Variants in APC observed in about 807,000 individuals in gnomAD.
APC encodes the protein APC regulator of Wnt signaling pathway.
In APC, 72 loss-of-function variants were observed where a neutral mutation model predicts 247.0. That is an observed-to-expected ratio of 0.29 (90% confidence interval 0.24 to 0.35). The LOEUF (loss-of-function observed/expected upper bound fraction) is 0.35. Among genes scored for constraint, APC ranks in the 10% least tolerant of loss-of-function variants. APC has a pLI of 1.00. For synonymous variants in APC, 1,254 were observed against 1,162.5 expected (o/e 1.08, Z -1.60); for missense variants, 3,400 against 3,360.7 (o/e 1.01, Z -0.29).
rs891419866 is a variant in APC, at chr5:112,827,109, G to A, written c.1410G>A (p.Gly470=). Residue 470 remains glycine (G), a splice_region_variant and synonymous_variant, in exon 12 of 16, where the codon GGG becomes GGA. Transcript: ENST00000257430. ...TTCCTCTTGCCCTTTTTAAATTAGG[G>A]GGACTACAGGCCATTGCAGAATTAT... The part of the protein sequence containing the change: ...EEHRHAMNEL[G]GLQAIAELLQ... The A allele has an allele frequency of 6.2e-7, 1 of 1,613,252 alleles. No individual in the cohort carries two copies. The highest frequency in any genetic ancestry group is 1.3e-5 in the African/African-American group (1 of 74,824).
At chr5:112,805,567 C>T (rs1226003041) in intron 8 of APC, among the ~76,000 whole-genome samples, 1 of 152,178 alleles carries the variant, frequency 6.6e-6, no homozygotes, top group Non-Finnish European at 1.5e-5. Flanking sequence ...AACAATATTG[C>T]AGCTATTCCC....
intron 7 of APC, among the ~76,000 whole-genome samples, chr5:112,794,494 A>T (rs1050967440): frequency 3.3e-5 from 5 of 152,168 alleles, no homozygotes; most frequent in African/African-American, 1.2e-4. Flanking sequence ...CCAGAGTTAG[A>T]GTCAGCTCCA....
intron 1 of APC, among the ~76,000 whole-genome samples, chr5:112,747,378 A>G (rs1753808433): frequency 6.6e-6 from 1 of 152,254 alleles, no homozygotes; most frequent in African/African-American, 2.4e-5. Flanking sequence ...ATTGAGCTAT[A>G]AGAAATACGT....
At chr5:112,806,658 A>C (rs1761424520) in intron 8 of APC, among the ~76,000 whole-genome samples, 2 of 151,898 alleles carry the variant, frequency 1.3e-5, no homozygotes, top group Admixed American at 1.3e-4. Context: ...GCTCATTGCA[A>C]CCTCTGCCTC....
At chr5:112,738,221 A>G (rs1561418910) in intron 1 of APC, 5 of 955,302 alleles carry the variant, frequency 5.2e-6, no homozygotes, top group South Asian at 4.8e-5. Flanking sequence ...TTGTTTTTAT[A>G]ATGCCATTTG....
rs2149684994 is a variant in APC, at chr5:112,792,542, C to T, written c.729+13C>T. ...AACAGAAGCAGAGGTTAGTAAATTG[C>T]CTTTCTTGTTTGTGGGTATAAAAAT... On this transcript the variant is annotated intron_variant, in intron 7 of 15. Transcript: ENST00000257430. The T allele has an allele frequency of 6.2e-7, 1 of 1,602,624 alleles. No individual in the cohort carries two copies. Among genetic ancestry groups the T allele is most frequent in the Non-Finnish European group, 8.5e-7 (1 of 1,170,448 alleles).
rs993695568 is a variant in APC at position 112,815,582 on chromosome 5, C to T, written c.922C>T (p.Leu308=). The T allele has an allele frequency of 6.2e-7, 1 of 1,610,634 alleles. No individual in the cohort carries two copies. The highest frequency in any genetic ancestry group is 1.1e-5 in the South Asian group (1 of 91,032). ...TGCACCTCGAAGGCTGACAAGTCAT[C>T]TGGGAACCAAGGTAACAGAAGATTA... The part of the protein sequence containing the change: ...HSAPRRLTSH[L]GTKVEMVYSL... The change falls in exon 9 of 16, where the codon CTG becomes TTG. Residue 308 remains leucine, a synonymous_variant. Transcript: ENST00000257430.
intron 8 of APC, among the ~76,000 whole-genome samples, chr5:112,803,161 T>G (rs552529220): frequency 5.3e-5 from 8 of 152,282 alleles, no homozygotes; most frequent in African/African-American, 1.9e-4. Context: ...CATTCTCATA[T>G]GTTGCTTTTA....
At chr5:112,827,887 G>A (rs768757583) in intron 12 of APC, 42 bp from the exon 13 acceptor site, 1 of 1,548,120 alleles carries the variant, frequency 6.5e-7, no homozygotes, top group South Asian at 1.1e-5. Context: ...TTGGCTTCAA[G>A]TTGTCTTTTT....
At chr5:112,765,538 C>G (rs1322514577) in intron 2 of APC, among the ~76,000 whole-genome samples, 3 of 152,172 alleles carry the variant, frequency 2.0e-5, no homozygotes, top group African/African-American at 7.2e-5. Flanking sequence ...CATTTAGTTA[C>G]AAAGTTGCAA....
rs1580996027 is a variant in APC at position 112,707,553 on chromosome 5, G to C, written c.-165G>C. 1 of 583,302 alleles carries C rather than the reference G, an allele frequency of 1.7e-6. No homozygotes were observed. Among genetic ancestry groups the C allele is most frequent in the South Asian group, 1.8e-5 (1 of 54,784 alleles). The allele number at this position is 583,302 out of a possible 1,614,324, so 36.1% of individuals were successfully genotyped here. On this transcript the variant is annotated 5_prime_UTR_variant, in exon 1 of 14. Coordinates refer to the APC transcript ENST00000507379. ...GGCGGAGGGCAAGTAGCAAGGGGGC[G>C]GGGTGTGGCCGCCGGAAGCCTAGCC... is the stretch of plus-strand genomic sequence containing the variant.
Position 112,842,160 on chromosome 5 carries a change from A to G in APC, c.6566A>G (p.Lys2189Arg), listed in dbSNP as rs986763235. 6.2e-7 allele frequency: 1 copy of G among 1,612,642 alleles called. No homozygotes were observed. Among genetic ancestry groups the G allele is most frequent in the African/African-American group, 1.3e-5 (1 of 74,930 alleles). ...ATAGAATCTGAAAGTAAAGGAATCA[A>G]AGGAGGAAAAAAAGTTTATAAAAGT... The part of the protein sequence containing the change: ...KKIESESKGI[K>R]GGKKVYKSLI... Residue 2189 changes from lysine (K) to arginine (R), a missense_variant, in exon 16 of 16, where the codon AAA becomes AGA. Physicochemically the swap from Lys to Arg is conservative, Grantham distance 26. Coordinates refer to ENST00000257430, the MANE Select transcript of APC (RefSeq NM_000038.6).
chr5:112,790,075 GT>G (rs1759402617), intron 6 of APC, among the ~76,000 whole-genome samples: 1 of 151,962 alleles, frequency 6.6e-6, no homozygotes. Flanking sequence ...CCCTAGGCTG[GT>G]CTCAAACTCC....
chr5:112,708,399 C>T (rs756535670), intron 1 of APC, among the ~76,000 whole-genome samples: 1 of 152,192 alleles, frequency 6.6e-6, no homozygotes, highest in Non-Finnish European at 1.5e-5. Flanking sequence ...AGTCTGACTC[C>T]TTGACCCACC....
chr5:112,805,318 A>C (rs1012819186), intron 8 of APC, among the ~76,000 whole-genome samples: 1 of 152,198 alleles, frequency 6.6e-6, no homozygotes, highest in Non-Finnish European at 1.5e-5. Context: ...ACCATGACAT[A>C]CATCATGTCA....
At chr5:112,711,485 A>G (rs773775249) in intron 1 of APC, among the ~76,000 whole-genome samples, 4 of 152,214 alleles carry the variant, frequency 2.6e-5, no homozygotes, top group Admixed American at 6.5e-5. Context: ...TCTGCATTAT[A>G]CTTCCTGATT....
In APC at chr5:112,841,749, A is replaced by G. The variant is rs1580668250; in HGVS notation, c.6155A>G (p.Lys2052Arg). 1 of 1,614,024 alleles carries G rather than the reference A, an allele frequency of 6.2e-7. No individual in the cohort carries two copies. Among genetic ancestry groups the G allele is most frequent in the Non-Finnish European group, 8.5e-7 (1 of 1,179,900 alleles). ...AGCTCCGCAATGCCAAAAAAGAAAA[A>G]GCCTTCAAGACTCAAGGGTGATAAT... ...CISSAMPKKK[K>R]PSRLKGDNEK... is the part of the protein sequence containing the mutation. Residue 2052 changes from lysine to arginine, a missense_variant, in exon 16 of 16, where the codon AAG (lysine) becomes AGG (arginine). Physicochemically the swap from Lys to Arg is conservative, Grantham distance 26. This residue lies in a region of APC where 1,788 missense variants were observed against 1,649.5 expected (regional missense o/e 1.08). Coordinates refer to ENST00000257430, the MANE Select transcript of APC (RefSeq NM_000038.6). This position sits in a 1 kb window ranked among gnomAD's most constrained non-coding sequence, Gnocchi z 4.6.
chr5:112,743,157 C>G (rs1753240402), intron 1 of APC, among the ~76,000 whole-genome samples: 1 of 152,220 alleles, frequency 6.6e-6, no homozygotes, highest in East Asian at 1.9e-4. Context: ...GTGCCAGCAG[C>G]ATTCTAAATC....
intron 4 of APC, among the ~76,000 whole-genome samples, chr5:112,772,811 C>T (rs1483649920): frequency 1.3e-5 from 2 of 152,260 alleles, no homozygotes; most frequent in Non-Finnish European, 2.9e-5. Context: ...CCCGCCGTGC[C>T]TGGCCCCAAC....
Sources: allele counts gnomAD v4.1 joint callset (sites outside exome capture counted in the v4.1 genomes callset), GRCh38; gene constraint gnomAD v4.1.1; regional missense constraint gnomAD v4.1.1; non-coding constraint Gnocchi (gnomAD v3.1); transcripts MANE v1.5; gene names NCBI Gene and HGNC (gene_info 2026-07-23, HGNC 2026-07-21).